Variants in GRAMD1B observed in about 807,000 individuals in gnomAD.
The protein encoded by GRAMD1B is GRAM domain containing 1B.
In GRAMD1B, 37 loss-of-function variants were observed where a neutral mutation model predicts 99.7. The ratio of observed to expected loss-of-function variants is 0.37; its 90% CI spans 0.29 to 0.49. The LOEUF (loss-of-function observed/expected upper bound fraction) is 0.49. GRAMD1B is among the 20% of genes least tolerant of loss of function. The probability of loss-of-function intolerance (pLI) is 0.98; values close to 1 mark genes in which losing one functional copy is unlikely to be tolerated. For missense variants in GRAMD1B, 888 were observed against 1,009.2 expected (o/e 0.88, Z 1.63); for synonymous variants, 427 against 387.6 (o/e 1.10, Z -1.19).
chr11:123,477,915 C>T (rs1460214774), intron 1 of GRAMD1B, among the ~76,000 whole-genome samples: 2 of 151,956 alleles, frequency 1.3e-5, no homozygotes. Flanking sequence ...GCTGGGATTA[C>T]AGGCGCTTGC....
At chr11:123,543,371 A>G (rs1288065976) in intron 2 of GRAMD1B, among the ~76,000 whole-genome samples, 2 of 152,230 alleles carry the variant, frequency 1.3e-5, no homozygotes, top group East Asian at 3.8e-4. Flanking sequence ...GGTAAAGAAC[A>G]GACCTGAAAC....
intron 1 of GRAMD1B, among the ~76,000 whole-genome samples, chr11:123,420,968 T>C (rs1264464181): frequency 6.6e-6 from 1 of 152,238 alleles, no homozygotes; most frequent in Non-Finnish European, 1.5e-5. Context: ...ATTTCTAATC[T>C]ATACCTGACT....
chr11:123,570,421 CTTTTTTTT>C (rs755038860), intron 2 of GRAMD1B, among the ~76,000 whole-genome samples: 1 of 130,578 alleles, frequency 7.7e-6, no homozygotes, highest in Non-Finnish European at 1.6e-5. Flanking sequence ...TTTTTCTTTT[CTTTTTTTT>C]TTTTTTTTTT....
intron 2 of GRAMD1B, among the ~76,000 whole-genome samples, chr11:123,524,764 C>T: frequency 6.6e-6 from 1 of 152,192 alleles, no homozygotes; most frequent in Non-Finnish European, 1.5e-5. Context: ...TATGGTTCAA[C>T]TGTTTTGGAG....
chr11:123,584,422 C>CGGTTGGGGGAGGGGGTATGGAGG (rs1949859312), intron 4 of GRAMD1B, 90 bp downstream of exon 4: 1 of 566 alleles, frequency 1.8e-3, no homozygotes, highest in Non-Finnish European at 4.2e-3. Context: ...TGCGGTTGGG[C>CGGTTGGGGGAGGGGGTATGGAGG]TTTCCTGTGG....
At chr11:123,552,273 C>CTTTTTTTTTTTTTTTTTTTCTTTT (rs71060514) in intron 2 of GRAMD1B, among the ~76,000 whole-genome samples, 1 of 119,370 alleles carries the variant, frequency 8.4e-6, no homozygotes, top group Non-Finnish European at 1.7e-5. Flanking sequence ...CTCTTTCTTT[C>CTTTTTTTTTTTTTTTTTTTCTTTT]TTTTTTTTTT....
At chr11:123,594,981 T>C (rs1951093810) in intron 6 of GRAMD1B, 143 bp downstream of exon 6, 2 of 630,640 alleles carry the variant, frequency 3.2e-6, no homozygotes, top group South Asian at 1.9e-5. Context: ...TTGAAAGATA[T>C]TCAATTCTAA....
intron 1 of GRAMD1B, among the ~76,000 whole-genome samples, chr11:123,477,214 CCTCCCCCTCCT>C (rs975659757): frequency 1.4e-4 from 2 of 13,946 alleles, no homozygotes; most frequent in African/African-American, 1.4e-3. Flanking sequence ...TCCCCTCCCC[CCTCCCCCTCCT>C]CTCCCCCTCC....
chr11:123,557,621 A>G (rs1022680957), intron 2 of GRAMD1B, among the ~76,000 whole-genome samples: 6 of 152,248 alleles, frequency 3.9e-5, no homozygotes, highest in Non-Finnish European at 5.9e-5. Context: ...TATTTACATC[A>G]TTTAATCCTC....
intron 1 of GRAMD1B, among the ~76,000 whole-genome samples, chr11:123,385,417 C>T (rs1008698979): frequency 5.9e-5 from 9 of 152,160 alleles, no homozygotes; most frequent in Admixed American, 5.2e-4. Context: ...TGGTGCTTAC[C>T]GAATACTGTG....
At chr11:123,539,174 A>G (rs1365166501) in intron 2 of GRAMD1B, among the ~76,000 whole-genome samples, 1 of 152,062 alleles carries the variant, frequency 6.6e-6, no homozygotes, top group African/African-American at 2.4e-5. Flanking sequence ...GTTACAATGA[A>G]CCATAATCAT....
chr11:123,550,187 C>T lies in GRAMD1B; in HGVS notation c.453-27180C>T, dbSNP rs893258893. ...GGCTGAATTAAAGAGGAGCTGGATT[C>T]GATGCTTGAAAATGAATTCCGTGCT... is the stretch of plus-strand genomic sequence containing the variant. On this transcript the variant is annotated intron_variant, in intron 2 of 19. Transcript: ENST00000635736. Among the ~76,000 whole-genome samples, 5 of 152,120 alleles carry T rather than the reference C, an allele frequency of 3.3e-5. 1 individual carries two copies. The highest frequency in any genetic ancestry group is 2.0e-4 in the Admixed American group (3 of 15,262).
chr11:123,626,332 A>G lies in GRAMD1B; in HGVS notation c.*3737A>G, dbSNP rs1442228980. On this transcript the variant is annotated 3_prime_UTR_variant, in exon 20 of 20. Transcript: ENST00000635736. ...GGAGGACAAAGAGAGCTCAAGAGGA[A>G]TGCTTTGTGAGAAGTGGATTCTCTC... is the stretch of plus-strand genomic sequence containing the variant. The G allele has an allele frequency of 6.6e-6, 1 of 152,256 alleles. No individual in the cohort carries two copies. Among genetic ancestry groups the G allele is most frequent in the Non-Finnish European group, 1.5e-5 (1 of 68,096 alleles). The allele number at this position is 152,256 out of a possible 1,614,324, so 9.4% of individuals were successfully genotyped here.
At chr11:123,585,132 A>T (rs1949936677) in intron 4 of GRAMD1B, among the ~76,000 whole-genome samples, 1 of 152,140 alleles carries the variant, frequency 6.6e-6, no homozygotes, top group African/African-American at 2.4e-5. Flanking sequence ...CCTCACACCT[A>T]ACTCTGATGA....
At chr11:123,432,243 A>G (rs113563621) in intron 1 of GRAMD1B, 46,297 of 389,098 alleles carry the variant, frequency 0.12, 2,987 homozygotes, top group South Asian at 0.15. Context: ...GCTGAGAAGG[A>G]AGATGAGGGG....
At chr11:123,363,097 T>A (rs1055501339) in intron 1 of GRAMD1B, among the ~76,000 whole-genome samples, 4 of 152,062 alleles carry the variant, frequency 2.6e-5, no homozygotes, top group African/African-American at 9.7e-5. Context: ...AAGCAGCACC[T>A]TGCTTTCAGG....
At chr11:123,374,263 A>G (rs1354331838) in intron 1 of GRAMD1B, among the ~76,000 whole-genome samples, 4 of 152,218 alleles carry the variant, frequency 2.6e-5, no homozygotes, top group Non-Finnish European at 5.9e-5. Context: ...AGTCAAACTG[A>G]GCCTAGTATT....
intron 19 of GRAMD1B, chr11:123,619,503 A>G (rs1468967173): frequency 3.3e-6 from 4 of 1,224,742 alleles, no homozygotes; most frequent in Non-Finnish European, 4.1e-6. Context: ...TTTTATTTTT[A>G]TTTTTGGTAA....
At chr11:123,358,463 C>G (rs1946030025) in exon 1 of GRAMD1B, 1 of 152,130 alleles carries the variant, frequency 6.6e-6, no homozygotes, top group African/African-American at 2.4e-5. Context: ...GCTCCGAGCC[C>G]ACGGAGAGCG....
Sources: gnomAD v4.1 joint callset for allele counts (sites outside exome capture counted in the v4.1 genomes callset) on GRCh38, gnomAD v4.1.1 for gene constraint, MANE v1.5 for transcripts, NCBI Gene and HGNC (gene_info 2026-07-23, HGNC 2026-07-21) for gene names.